IFT80: variants seen among roughly 807,000 people sequenced by gnomAD.
IFT80 encodes intraflagellar transport 80.
Under a neutral mutation model 107.9 loss-of-function variants are expected in IFT80, and 79 were observed. That is an observed-to-expected ratio of 0.73 (90% confidence interval 0.61 to 0.88). The LOEUF is 0.88. Among genes scored for constraint, IFT80 ranks in the 40% least tolerant of loss-of-function variants. The pLI, the probability that IFT80 is intolerant of heterozygous loss-of-function variation, is 0.00. For missense variants in IFT80, 797 were observed against 914.2 expected (o/e 0.87, Z 1.65); for synonymous variants, 299 against 300.9 (o/e 0.99, Z 0.07).
intron 2 of IFT80, chr3:160,383,514 G>A: frequency 4.9e-6 from 4 of 815,786 alleles, no homozygotes; most frequent in Non-Finnish European, 5.9e-6. Flanking sequence ...TCTTTATTTC[G>A]AATCCATTGC....
At chr3:160,365,102 G>C (rs1721777599) in intron 6 of IFT80, among the ~76,000 whole-genome samples, 1 of 152,000 alleles carries the variant, frequency 6.6e-6, no homozygotes, top group Admixed American at 6.6e-5. Flanking sequence ...TTTCATAGCA[G>C]ATTTTCAGCG....
intron 8 of IFT80, 60 bp downstream of exon 8, chr3:160,355,953 G>A (rs905127808): frequency 3.2e-6 from 5 of 1,565,986 alleles, no homozygotes; most frequent in Non-Finnish European, 4.4e-6. Context: ...AGAACCATGT[G>A]TGTTGTGCAT....
At chr3:160,358,354 T>C (rs1194404954) in intron 6 of IFT80, among the ~76,000 whole-genome samples, 2 of 151,488 alleles carry the variant, frequency 1.3e-5, no homozygotes, top group Non-Finnish European at 2.9e-5. Flanking sequence ...ACAAACATCT[T>C]TACTACCCTC....
intron 19 of IFT80, among the ~76,000 whole-genome samples, chr3:160,263,059 C>T (rs75184772): frequency 0.014 from 2,173 of 152,232 alleles, 17 homozygotes; most frequent in Non-Finnish European, 0.024. Context: ...TAATCACATA[C>T]AAAATGGTAT....
At chr3:160,306,758 T>G (rs535085435) in intron 10 of IFT80, among the ~76,000 whole-genome samples, 1 of 152,344 alleles carries the variant, frequency 6.6e-6, no homozygotes, top group East Asian at 1.9e-4. Context: ...TAGCAGTTGT[T>G]ATTTAAGTTA....
chr3:160,350,867 C>T (rs959073545), intron 8 of IFT80, among the ~76,000 whole-genome samples: 6 of 151,576 alleles, frequency 4.0e-5, no homozygotes, highest in Non-Finnish European at 5.9e-5. Flanking sequence ...TTAACTAATA[C>T]ATATTTCTAA....
At chr3:160,278,456 C>T (rs1393327917) in intron 16 of IFT80, among the ~76,000 whole-genome samples, 2 of 152,218 alleles carry the variant, frequency 1.3e-5, no homozygotes, top group African/African-American at 4.8e-5. Flanking sequence ...CAGACACGGC[C>T]TCCTCAAGCC....
At chr3:160,292,143 G>A (rs902392721) in intron 12 of IFT80, among the ~76,000 whole-genome samples, 6 of 152,186 alleles carry the variant, frequency 3.9e-5, no homozygotes, top group South Asian at 2.1e-4. Flanking sequence ...AATAGATGCC[G>A]AGTCCGCACT....
chr3:160,295,246 G>A (rs1715881883), intron 12 of IFT80, among the ~76,000 whole-genome samples: 1 of 152,134 alleles, frequency 6.6e-6, no homozygotes, highest in Admixed American at 6.5e-5. Context: ...TGGAAAACTT[G>A]CCCACTTCTA....
intron 8 of IFT80, among the ~76,000 whole-genome samples, chr3:160,337,704 T>C (rs1372280283): frequency 6.6e-6 from 1 of 152,206 alleles, no homozygotes; most frequent in African/African-American, 2.4e-5. Flanking sequence ...ATTAACCTAT[T>C]GTCTTCTGAC....
At chr3:160,358,594 A>G (rs1721273047) in intron 6 of IFT80, among the ~76,000 whole-genome samples, 1 of 149,452 alleles carries the variant, frequency 6.7e-6, no homozygotes, top group South Asian at 2.1e-4. Flanking sequence ...GAAAATCGTT[A>G]AGTTCTGCCT....
chr3:160,335,319 C>A (rs2108324306), intron 8 of IFT80, among the ~76,000 whole-genome samples: 1 of 151,804 alleles, frequency 6.6e-6, no homozygotes, highest in South Asian at 2.1e-4. Context: ...CAACCTTTGC[C>A]TCCCAGGTTC....
intron 19 of IFT80, among the ~76,000 whole-genome samples, chr3:160,260,419 T>C (rs887919879): frequency 5.3e-5 from 8 of 152,234 alleles, no homozygotes; most frequent in African/African-American, 1.9e-4. Context: ...CAGCCTTAAA[T>C]TGACTTACAT....
At chr3:160,354,754 G>A (rs1720949385) in intron 8 of IFT80, among the ~76,000 whole-genome samples, 1 of 152,138 alleles carries the variant, frequency 6.6e-6, no homozygotes, top group African/African-American at 2.4e-5. Flanking sequence ...AAATGAGTAG[G>A]GATGTTAGTA....
chr3:160,383,581 T>C (rs538889279), intron 2 of IFT80: 242 of 843,120 alleles, frequency 2.9e-4, no homozygotes, highest in Non-Finnish European at 3.3e-4. Context: ...TTGGACATTA[T>C]AACAATGTCA....
intron 18 of IFT80, among the ~76,000 whole-genome samples, chr3:160,269,099 C>G (rs964842458): frequency 1.3e-5 from 2 of 151,896 alleles, no homozygotes; most frequent in South Asian, 4.2e-4. Context: ...CGTGGTGGTA[C>G]ATGCCTGTAA....
intron 8 of IFT80, among the ~76,000 whole-genome samples, chr3:160,327,875 A>G (rs545826402): frequency 5.3e-5 from 8 of 152,238 alleles, no homozygotes; most frequent in Non-Finnish European, 1.2e-4. Flanking sequence ...GCATAGCAAA[A>G]GAAACCATCA....
At chr3:160,357,658 C>T in intron 6 of IFT80, 80 bp from the exon 7 acceptor site, 2 of 852,974 alleles carry the variant, frequency 2.3e-6, no homozygotes, top group South Asian at 2.9e-5. Context: ...TATTTTGCCT[C>T]TTTCTAATGA....
intron 10 of IFT80, among the ~76,000 whole-genome samples, chr3:160,304,820 A>G (rs1475076281): frequency 6.6e-6 from 1 of 152,198 alleles, no homozygotes; most frequent in East Asian, 1.9e-4. Flanking sequence ...TTTGTCTGGC[A>G]AAAGACCTGT....
Sources: gnomAD v4.1 joint callset for allele counts (sites outside exome capture counted in the v4.1 genomes callset) on GRCh38, gnomAD v4.1.1 for gene constraint, MANE v1.5 for transcripts, NCBI Gene and HGNC (gene_info 2026-07-23, HGNC 2026-07-21) for gene names.